ANK3: variants seen among roughly 807,000 people sequenced by gnomAD.
ANK3 encodes the protein ankyrin 3, also known as ankyrin-3.
ANK3 carries 57 observed loss-of-function variants against 370.9 expected under a neutral mutation model. The ratio of observed to expected loss-of-function variants is 0.15; its 90% confidence interval spans 0.12 to 0.19. ANK3 has a LOEUF of 0.19. ANK3 is among the 10% of genes least tolerant of loss of function. The pLI, the probability that ANK3 is intolerant of heterozygous loss-of-function variation, is 1.00. For synonymous variants in ANK3, 1,929 were observed against 1,946.3 expected (o/e 0.99, Z 0.23); for missense variants, 4,439 against 5,302.1 (o/e 0.84, Z 5.06).
chr10:60,559,270 C>T (rs971403204), intron 2 of ANK3, among the ~76,000 whole-genome samples: 1 of 152,158 alleles, frequency 6.6e-6, no homozygotes, highest in Non-Finnish European at 1.5e-5. Flanking sequence ...CACCCCCCAA[C>T]CCTTTCCCCA....
At chr10:60,346,272 A>G (rs972955904) in intron 1 of ANK3, among the ~76,000 whole-genome samples, 5 of 148,972 alleles carry the variant, frequency 3.4e-5, no homozygotes, top group Non-Finnish European at 6.0e-5. Context: ...ATGAATATGT[A>G]ACAGTTCTAT....
At chr10:60,183,454 G>A (rs193070151) in intron 17 of ANK3, among the ~76,000 whole-genome samples, 1 of 151,994 alleles carries the variant, frequency 6.6e-6, no homozygotes, top group African/African-American at 2.4e-5. Flanking sequence ...TATATTCTTG[G>A]TTATAATTCA....
chr10:60,230,479 A>T (rs1345580713), intron 8 of ANK3, among the ~76,000 whole-genome samples: 1 of 152,236 alleles, frequency 6.6e-6, no homozygotes, highest in African/African-American at 2.4e-5. Flanking sequence ...TATGACAGAG[A>T]TTCTCTATAT....
At chr10:60,401,287 A>G (rs1283858651) in intron 2 of ANK3, among the ~76,000 whole-genome samples, 1 of 152,216 alleles carries the variant, frequency 6.6e-6, no homozygotes, top group African/African-American at 2.4e-5. Context: ...AACATGAATA[A>G]GCACTAGAGA....
At chr10:60,458,309 G>T (rs1301767224) in intron 2 of ANK3, among the ~76,000 whole-genome samples, 3 of 152,070 alleles carry the variant, frequency 2.0e-5, no homozygotes, top group African/African-American at 7.2e-5. Flanking sequence ...AATGAGATTT[G>T]CTAGCAGCCC....
intron 11 of ANK3, among the ~76,000 whole-genome samples, chr10:60,205,007 G>A (rs997229039): frequency 6.6e-6 from 1 of 152,064 alleles, no homozygotes; most frequent in Non-Finnish European, 1.5e-5. Flanking sequence ...AAGTGCCAAG[G>A]GTTAGAATTA....
intron 2 of ANK3, among the ~76,000 whole-genome samples, chr10:60,432,103 T>A (rs1043344716): frequency 1.3e-5 from 2 of 152,226 alleles, no homozygotes; most frequent in Non-Finnish European, 2.9e-5. Flanking sequence ...GTACTTGACT[T>A]GCAAAGTGGA....
At chr10:60,484,927 T>C (rs983245801) in intron 2 of ANK3, among the ~76,000 whole-genome samples, 4 of 152,188 alleles carry the variant, frequency 2.6e-5, no homozygotes, top group African/African-American at 9.7e-5. Context: ...TCTGTGTATT[T>C]TGGCGTTTCT....
chr10:60,729,254 T>C (rs2079986604), intron 1 of ANK3, among the ~76,000 whole-genome samples: 1 of 152,168 alleles, frequency 6.6e-6, no homozygotes, highest in South Asian at 2.1e-4. Context: ...TTTTGCCAGA[T>C]TCCCTATAAA....
chr10:60,318,037 G>C (rs916352145), intron 1 of ANK3, among the ~76,000 whole-genome samples: 1 of 152,076 alleles, frequency 6.6e-6, no homozygotes, highest in African/African-American at 2.4e-5. Flanking sequence ...CCAAAGAAAT[G>C]CCATTTACTA....
At chr10:60,165,303 A>G (rs1466260470) in intron 23 of ANK3, among the ~76,000 whole-genome samples, 3 of 152,222 alleles carry the variant, frequency 2.0e-5, no homozygotes, top group African/African-American at 7.2e-5. Flanking sequence ...AAGGCAATGA[A>G]ATATAATATG....
At chr10:60,184,728 A>G (rs778030122) in intron 17 of ANK3, among the ~76,000 whole-genome samples, 4 of 152,240 alleles carry the variant, frequency 2.6e-5, no homozygotes, top group Non-Finnish European at 5.9e-5. Context: ...TGAGGCTAAG[A>G]TGAATTCAAG....
chr10:60,055,612 A>G, intron 42 of ANK3, 46 bp downstream of exon 42: 1 of 1,541,632 alleles, frequency 6.5e-7, no homozygotes, highest in South Asian at 1.3e-5. Context: ...TAAAGCACCG[A>G]TACTTTCCAT....
intron 1 of ANK3, among the ~76,000 whole-genome samples, chr10:60,671,544 A>G (rs2079064367): frequency 6.6e-6 from 1 of 152,158 alleles, no homozygotes; most frequent in Admixed American, 6.6e-5. Flanking sequence ...TATTGAACTT[A>G]TAAGGGTGTA....
chr10:60,572,696 G>A lies in ANK3; in HGVS notation c.96+42490C>T, dbSNP rs981431928. The A allele has an allele frequency of 4.2e-6, 6 of 1,425,972 alleles. No homozygotes were observed. In the African/African-American group the frequency reaches 5.8e-5, roughly 14 times the overall value. The allele number at this position is 1,425,972 out of a possible 1,614,324, so 88.3% of individuals were successfully genotyped here. A position where few individuals can be genotyped will look rare whatever the true frequency, so the allele number is the denominator to read the frequency against. ...GCCCCTGCTGCTGTCAGAGAGACGC[G>A]GGCTGCTAATGTAGCCCTGTTCAGC... On this transcript the variant is annotated intron_variant, in intron 2 of 43. Coordinates refer to the ANK3 transcript ENST00000373827.
At chr10:60,174,679 C>G (rs903760383) in intron 18 of ANK3, among the ~76,000 whole-genome samples, 1 of 152,102 alleles carries the variant, frequency 6.6e-6, no homozygotes, top group African/African-American at 2.4e-5. Context: ...TATAATACAA[C>G]CATTTCTAAT....
intron 2 of ANK3, among the ~76,000 whole-genome samples, chr10:60,458,504 A>G (rs1196699001): frequency 6.6e-6 from 1 of 152,154 alleles, no homozygotes; most frequent in Non-Finnish European, 1.5e-5. Context: ...GACCTCATAT[A>G]CAATGGTTGT....
intron 8 of ANK3, among the ~76,000 whole-genome samples, chr10:60,230,123 G>T (rs747437998): frequency 6.6e-6 from 1 of 152,154 alleles, no homozygotes; most frequent in Non-Finnish European, 1.5e-5. Flanking sequence ...AAGAGATAGA[G>T]AACTCAAGTC....
Position 60,056,011 on chromosome 10 carries a change from T to A in ANK3, c.12712A>T (p.Thr4238Ser). Residue 4238 changes from threonine (T) to serine (S), a missense_variant, in exon 42 of 44, where the codon ACC (threonine) becomes TCC (serine). Physicochemically the swap from Thr to Ser is moderately conservative, Grantham distance 58 (BLOSUM62 1). Transcript: ENST00000280772. Reference sequence around the variant, plus strand: ...CCAGCTTCTCCTTTGAGATATGAGGTAATGGAATCTCTACACTGGTCAGGG... The same window carrying A: ...CCAGCTTCTCCTTTGAGATATGAGGAAATGGAATCTCTACACTGGTCAGGG... ...DSPDQCRDSI[T>S]SYLKGEAGKF... 1 of 1,613,150 alleles carries A rather than the reference T, an allele frequency of 6.2e-7. No individual in the cohort carries two copies. The highest frequency in any genetic ancestry group is 8.5e-7 in the Non-Finnish European group (1 of 1,179,828).
Sources: allele counts gnomAD v4.1 joint callset (sites outside exome capture counted in the v4.1 genomes callset), GRCh38; gene constraint gnomAD v4.1.1; transcripts MANE v1.5; gene names NCBI Gene and HGNC (gene_info 2026-07-23, HGNC 2026-07-21).